HIF3A: variants seen among roughly 807,000 people sequenced by gnomAD.
HIF3A encodes hypoxia inducible factor 3 subunit alpha.
In HIF3A, 41 loss-of-function variants were observed where a neutral mutation model predicts 67.2. That is an observed-to-expected ratio of 0.61 (90% CI 0.48 to 0.79). HIF3A has a LOEUF of 0.79. Ranked by LOEUF, HIF3A falls within the 30% of genes least tolerant of loss-of-function variation. The pLI is 0.00. For missense variants in HIF3A, 855 were observed against 898.0 expected (o/e 0.95, Z 0.61); for synonymous variants, 356 against 374.8 (o/e 0.95, Z 0.58).
chr19:46,339,452 G>T, intron 14 of HIF3A, 73 bp from the exon 15 acceptor site: 1 of 927,104 alleles, frequency 1.1e-6, no homozygotes, highest in Non-Finnish European at 1.6e-6. Flanking sequence ...TCCTGACATT[G>T]GGGTTATGGT....
chr19:46,307,966 A>G (rs1463287491), intron 3 of HIF3A, among the ~76,000 whole-genome samples: 1 of 19,254 alleles, frequency 5.2e-5, no homozygotes, highest in East Asian at 2.0e-3. Flanking sequence ...AGGTAGACAG[A>G]CAGACAGACA....
chr19:46,320,738 G>A (rs768031951), intron 9 of HIF3A, among the ~76,000 whole-genome samples, 177 bp downstream of exon 9: 4 of 152,158 alleles, frequency 2.6e-5, no homozygotes, highest in South Asian at 4.1e-4. Context: ...CTCCAGCCTC[G>A]TGCCTCAGGG....
rs1968596083 is a variant in HIF3A at position 46,304,107 on chromosome 19, A to T, written c.217+19A>T. 12 of 1,545,302 alleles carry T rather than the reference A, an allele frequency of 7.8e-6. No homozygotes were observed. Among genetic ancestry groups the T allele is most frequent in the Non-Finnish European group, 1.0e-5 (12 of 1,146,924 alleles). Reference sequence around the variant, plus strand: ...GCCGCAGGTGAGCCCCGCCCGCGGGAATTCCCGTCTTGGTCAGGCCCCGCC... The same window carrying T: ...GCCGCAGGTGAGCCCCGCCCGCGGGTATTCCCGTCTTGGTCAGGCCCCGCC... On this transcript the variant is annotated intron_variant, in intron 2 of 14. Transcript: ENST00000377670.
chr19:46,338,277 C>T, intron 14 of HIF3A: 1 of 454,208 alleles, frequency 2.2e-6, no homozygotes, highest in Non-Finnish European at 4.4e-6. Context: ...ACACAGCTCA[C>T]CGCAGCCTCG....
chr19:46,312,453 T>C (rs931352034), intron 7 of HIF3A, 53 bp from the exon 8 acceptor site: 14 of 1,596,730 alleles, frequency 8.8e-6, no homozygotes, highest in Non-Finnish European at 1.2e-5. Flanking sequence ...CAGATATTTC[T>C]CTCCCCATTT....
In HIF3A at chr19:46,313,040, A is replaced by C. The variant is rs1023037240; in HGVS notation, c.1025+387A>C. ...TGAGGTGGGCGGATTGCCTGAGCTC[A>C]GGAGTTCGAAACCAGCCTGGGCAAC... On this transcript the variant is annotated intron_variant, in intron 8 of 14. Coordinates refer to ENST00000377670, the MANE Select transcript of HIF3A (RefSeq NM_152795.4). 33 of 946,402 alleles carry C rather than the reference A, an allele frequency of 3.5e-5. No homozygotes were observed. The African/African-American group carries it at 5.1e-4, about 15-fold the overall frequency. 58.6% of individuals were successfully genotyped at this position (946,402 alleles called of 1,614,324 possible).
Position 46,297,338 on chromosome 19 carries a change from G to T in HIF3A, c.26+236G>T, listed in dbSNP as rs1967944347. ...GGCCAAGAGCGGCTTCGGGGTTCCC[G>T]ATTTCTCGCTACCCAAGGCTCATTT... On this transcript the variant is annotated intron_variant, in intron 1 of 14. Coordinates refer to ENST00000377670, the MANE Select transcript of HIF3A (RefSeq NM_152795.4). The surrounding 1 kb of genome is among the most constrained non-coding windows in gnomAD (Gnocchi z 4.5). 6.6e-6 allele frequency among the ~76,000 whole-genome samples: 1 copy of T among 152,140 alleles called. No homozygotes were observed. Among genetic ancestry groups the T allele is most frequent in the South Asian group, 2.1e-4 (1 of 4,830 alleles).
chr19:46,321,641 A>AC, intron 9 of HIF3A, 135 bp from the exon 10 acceptor site: 1 of 765,172 alleles, frequency 1.3e-6, no homozygotes, highest in Non-Finnish European at 2.2e-6. Context: ...CCCCTTCCTT[A>AC]CCCTCTCACT....
At position 46,324,931 on chromosome 19, in the gene HIF3A, CATATATATATACATAT is replaced by C. The variant is rs575684562; in HGVS notation, c.1336-590_1336-575del. 3.2e-3 allele frequency among the ~76,000 whole-genome samples: 442 copies of C among 140,270 alleles called. 4 individuals carry two copies. The highest frequency in any genetic ancestry group is 0.031 in the South Asian group (137 of 4,392). The allele number at this position is 140,270 out of a possible 152,430, so 92.0% of individuals were successfully genotyped here. A position where few individuals can be genotyped will look rare whatever the true frequency, so the allele number is the denominator to read the frequency against. Reference sequence around the variant, plus strand: ...ATACACACACACATATATATATACACATATATATATACATATATATATATATACACATACACACACA... The same window carrying C: ...ATACACACACACATATATATATACACATATATATATACACATACACACACA... On this transcript the variant is annotated intron_variant, in intron 10 of 14. Coordinates refer to ENST00000377670, the MANE Select transcript of HIF3A (RefSeq NM_152795.4).
intron 14 of HIF3A, chr19:46,338,611 T>C (rs1971798074): frequency 6.0e-6 from 5 of 832,922 alleles, no homozygotes; most frequent in Non-Finnish European, 7.5e-6. Flanking sequence ...GTACTAGTTA[T>C]GGTTCAAAAC....
In HIF3A at chr19:46,308,664, C is replaced by A; in HGVS notation, c.450C>A (p.Thr150=). The change falls in exon 5 of 15, where the codon ACC becomes ACA. Residue 150 remains threonine, a splice_region_variant and synonymous_variant. Coordinates refer to ENST00000377670, the MANE Select transcript of HIF3A (RefSeq NM_152795.4). The part of the protein sequence containing the change: ...ELQDALTPQQ[T]LSRRKVEAPT... The stretch of plus-strand genomic sequence containing the variant: ...CCCGCTGCCCCCGGGCCTCCCCAGC[C>A]CTGTCCAGGAGGAAGGTGGAGGCCC... 1.3e-6 allele frequency: 2 copies of A among 1,598,654 alleles called. No homozygotes were observed. The highest frequency in any genetic ancestry group is 1.7e-6 in the Non-Finnish European group (2 of 1,172,178).
chr19:46,300,875 C>G (rs1482118471), intron 1 of HIF3A, among the ~76,000 whole-genome samples: 1 of 152,134 alleles, frequency 6.6e-6, no homozygotes, highest in Non-Finnish European at 1.5e-5. Context: ...CAGCCACCAG[C>G]TGGCTCCTTC....
chr19:46,304,303 C>G (rs909713950), intron 2 of HIF3A: 11 of 586,266 alleles, frequency 1.9e-5, no homozygotes, highest in Non-Finnish European at 3.3e-5. Flanking sequence ...GTCCCGCCCC[C>G]CTCGAAGTCT....
At chr19:46,303,724 C>A (rs745485843) in intron 1 of HIF3A, 174 bp from the exon 2 acceptor site, 41 of 1,553,286 alleles carry the variant, frequency 2.6e-5, no homozygotes, top group Non-Finnish European at 3.3e-5. Flanking sequence ...ACAGTGTAGC[C>A]CTTCCAGGCC....
intron 4 of HIF3A, 40 bp from the exon 5 acceptor site, chr19:46,308,623 A>G: frequency 7.9e-7 from 1 of 1,262,618 alleles, no homozygotes; most frequent in Non-Finnish European, 1.1e-6. Context: ...GCCTGTGTGT[A>G]GCTGCCTGTG....
intron 5 of HIF3A, 40 bp from the exon 6 acceptor site, chr19:46,309,111 C>T (rs928282688): frequency 1.9e-6 from 3 of 1,562,968 alleles, no homozygotes; most frequent in East Asian, 4.5e-5. Context: ...GTCTCAGGCC[C>T]AGAGGCACCA....
intron 1 of HIF3A, chr19:46,298,370 C>T (rs1451708783): frequency 1.3e-5 from 17 of 1,273,830 alleles, no homozygotes; most frequent in Non-Finnish European, 1.5e-5. Context: ...GGTGCCCCCC[C>T]TCCCCACCCA....
intron 8 of HIF3A, among the ~76,000 whole-genome samples, chr19:46,319,736 G>A (rs73940668): frequency 0.014 from 2,054 of 151,998 alleles, 48 homozygotes; most frequent in African/African-American, 0.047. Context: ...GAAGCCTTTC[G>A]CTCACCCCGC....
rs768925684 is a variant in HIF3A at position 46,321,784 on chromosome 19, G to A, written c.1153G>A (p.Gly385Ser). The A allele has an allele frequency of 1.2e-6, 2 of 1,613,144 alleles. No homozygotes were observed. The highest frequency in any genetic ancestry group is 4.5e-5 in the East Asian group (2 of 44,852). ...PNPGDSLDTP[G>S]PRILAFLHPP... ...CTCCATGTGTCCTGCAGACACCCCT[G>A]GCCCCCGGATCCTTGCCTTCCTGCA... Residue 385 changes from glycine to serine, a missense_variant, in exon 10 of 15, where the codon GGC (glycine) becomes AGC (serine). Gly to Ser is a moderately conservative substitution (Grantham distance 56). Coordinates refer to ENST00000377670, the MANE Select transcript of HIF3A (RefSeq NM_152795.4).
Sources: gnomAD v4.1 joint callset for allele counts (sites outside exome capture counted in the v4.1 genomes callset) on GRCh38, gnomAD v4.1.1 for gene constraint, Gnocchi (gnomAD v3.1) non-coding constraint, MANE v1.5 for transcripts, NCBI Gene and HGNC (gene_info 2026-07-23, HGNC 2026-07-21) for gene names.